Variants in XRN2 observed in about 807,000 individuals in gnomAD.
The protein encoded by XRN2 is DHM1-like protein.
A neutral mutation model predicts 138.5 loss-of-function variants in XRN2; 44 were observed. The ratio of observed to expected loss-of-function variants is 0.32; its 90% CI spans 0.25 to 0.41. XRN2 has a LOEUF of 0.41. Ranked by LOEUF, XRN2 falls within the 10% of genes least tolerant of loss-of-function variation. The pLI is 1.00. For missense variants in XRN2, 937 were observed against 1,169.3 expected, an observed-to-expected ratio of 0.80 and a Z score of 2.90; for synonymous variants, 354 against 369.4, an observed-to-expected ratio of 0.96 and a Z score of 0.48.
At chr20:21,354,564 A>G (rs891105300) in intron 20 of XRN2, among the ~76,000 whole-genome samples, 1 of 152,234 alleles carries the variant, frequency 6.6e-6, no homozygotes, top group Non-Finnish European at 1.5e-5. Context: ...GATTTTCCAT[A>G]TAAGCCATTT....
At chr20:21,366,553 G>A (rs371361216) in intron 26 of XRN2, among the ~76,000 whole-genome samples, 11 of 147,820 alleles carry the variant, frequency 7.4e-5, no homozygotes, top group African/African-American at 2.0e-4. Flanking sequence ...GGAGACTTCC[G>A]TCTCAACCAA....
intron 18 of XRN2, 40 bp downstream of exon 18, chr20:21,348,293 C>G (rs2038463860): frequency 6.2e-7 from 1 of 1,611,900 alleles, no homozygotes; most frequent in African/African-American, 1.3e-5. Context: ...TTATAGAATT[C>G]TGGATTAGAT....
Position 21,386,925 on chromosome 20 carries a change from A to G in XRN2, c.2706A>G (p.Ala902=). Residue 902 remains alanine (A), a synonymous_variant, in exon 29 of 30, where the codon GCA becomes GCG. Transcript: ENST00000377191. ...PWNRMLQTQN[A]AFQPNQYQML... The stretch of plus-strand genomic sequence containing the variant: ...ACCGGATGCTGCAAACCCAGAATGC[A>G]GCCTTCCAGCCAAACCAGTACCAGA... 1 of 1,614,078 alleles carries G rather than the reference A, an allele frequency of 6.2e-7. No homozygotes were observed. The highest frequency in any genetic ancestry group is 8.5e-7 in the Non-Finnish European group (1 of 1,179,898).
At chr20:21,352,851 A>G (rs1005735821) in intron 20 of XRN2, among the ~76,000 whole-genome samples, 1 of 152,126 alleles carries the variant, frequency 6.6e-6, no homozygotes, top group Non-Finnish European at 1.5e-5. Context: ...TATTACCAGT[A>G]CTTGGGCTCC....
intron 13 of XRN2, 129 bp downstream of exon 13, chr20:21,334,314 AT>A: frequency 1.4e-6 from 1 of 729,118 alleles, no homozygotes; most frequent in Non-Finnish European, 2.3e-6. Flanking sequence ...TAATGTAATC[AT>A]GAGTGGTCAG....
intron 1 of XRN2, among the ~76,000 whole-genome samples, chr20:21,319,365 A>G (rs752631390): frequency 6.6e-6 from 1 of 152,010 alleles, no homozygotes; most frequent in Non-Finnish European, 1.5e-5. Context: ...GGATTGTTTG[A>G]TCCATTCACA....
chr20:21,366,098 C>T (rs190137789), intron 26 of XRN2, among the ~76,000 whole-genome samples: 7 of 98,518 alleles, frequency 7.1e-5, no homozygotes, highest in East Asian at 5.8e-4. Context: ...ATATATATAA[C>T]ATATATAAAT....
intron 27 of XRN2, among the ~76,000 whole-genome samples, chr20:21,376,819 T>C (rs566917702): frequency 6.6e-6 from 1 of 152,220 alleles, no homozygotes; most frequent in African/African-American, 2.4e-5. Context: ...TATGAAAGAA[T>C]GTGATGAGTG....
chr20:21,310,734 ATTTTTAT>A (rs934332035), intron 1 of XRN2, among the ~76,000 whole-genome samples: 20 of 150,564 alleles, frequency 1.3e-4, no homozygotes, highest in South Asian at 1.3e-3. Flanking sequence ...GCTTTTTTTT[ATTTTTAT>A]TTTTTATTTT....
intron 15 of XRN2, among the ~76,000 whole-genome samples, chr20:21,343,210 G>A (rs954863826): frequency 6.6e-6 from 1 of 152,036 alleles, no homozygotes; most frequent in Non-Finnish European, 1.5e-5. Flanking sequence ...AAATGTTTCT[G>A]CCCCTTATGT....
chr20:21,332,885 GA>G (rs1167730561), intron 9 of XRN2, among the ~76,000 whole-genome samples: 1 of 152,036 alleles, frequency 6.6e-6, no homozygotes, highest in Non-Finnish European at 1.5e-5. Context: ...TTCTTAAAAG[GA>G]ACTACAACTT....
chr20:21,328,747 T>C (rs2122206333), intron 4 of XRN2, 77 bp downstream of exon 4: 2 of 1,275,336 alleles, frequency 1.6e-6, no homozygotes, highest in Non-Finnish European at 2.2e-6. Flanking sequence ...AACTTTTTCT[T>C]ACAAAGAGGC....
intron 24 of XRN2, among the ~76,000 whole-genome samples, chr20:21,364,755 G>GT (rs984831233): frequency 2.6e-5 from 4 of 150,990 alleles, no homozygotes; most frequent in Non-Finnish European, 5.9e-5. Context: ...GCAATGAGCT[G>GT]TGAGTGTGCC....
intron 4 of XRN2, 49 bp downstream of exon 4, chr20:21,328,719 G>A: frequency 6.5e-7 from 1 of 1,543,608 alleles, no homozygotes; most frequent in Non-Finnish European, 8.8e-7. Flanking sequence ...GATGTATGCA[G>A]AATGAGGGGG....
chr20:21,312,845 G>A (rs950679814), intron 1 of XRN2, among the ~76,000 whole-genome samples: 5 of 151,840 alleles, frequency 3.3e-5, no homozygotes, highest in Non-Finnish European at 7.4e-5. Context: ...CAGGCGATCC[G>A]CCTGCCTCAG....
intron 27 of XRN2, among the ~76,000 whole-genome samples, chr20:21,376,286 T>C (rs1159951874): frequency 6.6e-6 from 1 of 152,110 alleles, no homozygotes. Flanking sequence ...GCCCCGGGAG[T>C]TTGAGGCTGC....
At chr20:21,341,941 G>A (rs536876592) in intron 15 of XRN2, among the ~76,000 whole-genome samples, 5 of 152,020 alleles carry the variant, frequency 3.3e-5, no homozygotes, top group Non-Finnish European at 7.4e-5. Context: ...CTTCAGGCCC[G>A]GTAGTATTAG....
intron 27 of XRN2, among the ~76,000 whole-genome samples, chr20:21,370,944 G>A (rs1287058087): frequency 6.6e-6 from 1 of 152,112 alleles, no homozygotes; most frequent in Admixed American, 6.5e-5. Flanking sequence ...TTGCCACAAG[G>A]GCAGCATGGG....
rs28441687 is a variant in XRN2, at chr20:21,345,429, G to C, written c.1530-986G>C. On this transcript the variant is annotated intron_variant, in intron 16 of 29. Transcript: ENST00000377191. ...CTAATTGTTATTCTGTGACTCCTTT[G>C]TGTTGTGGGAGGGGCAGATTAAAAT... Among the ~76,000 whole-genome samples, 488 of 152,168 alleles carry C rather than the reference G, an allele frequency of 3.2e-3. 1 individual carries two copies. The highest frequency in any genetic ancestry group is 0.011 in the African/African-American group (472 of 41,532).
Sources: gnomAD v4.1 joint callset for allele counts (sites outside exome capture counted in the v4.1 genomes callset) on GRCh38, gnomAD v4.1.1 for gene constraint, MANE v1.5 for transcripts, NCBI Gene and HGNC (gene_info 2026-07-23, HGNC 2026-07-21) for gene names.